Variants in OR2L13 observed in about 807,000 individuals in gnomAD.
The protein encoded by OR2L13 is olfactory receptor family 2 subfamily L member 13.
In OR2L13, 14 loss-of-function variants were observed where a neutral mutation model predicts 15.3. The observed-to-expected ratio is 0.91, with a 90% CI of 0.60 to 1.43. OR2L13 has a LOEUF of 1.43. OR2L13 is among the 40% of genes most tolerant of loss of function. The probability of loss-of-function intolerance (pLI) is 0.00; values close to 1 mark genes in which losing one functional copy is unlikely to be tolerated. For synonymous variants in OR2L13, 152 were observed against 142.9 expected (o/e 1.06, Z -0.45); for missense variants, 367 against 387.9 (o/e 0.95, Z 0.45).
At chr1:247,938,594 A>G in the OR2L13 span, among the ~76,000 whole-genome samples, 3 of 152,182 alleles carry the variant, frequency 2.0e-5, no homozygotes, top group Non-Finnish European at 4.4e-5. Flanking sequence ...ATATAGAAAC[A>G]TAGAAACGCC....
At chr1:247,965,824 G>A in the OR2L13 span, 1 of 1,612,662 alleles carries the variant, frequency 6.2e-7, no homozygotes, top group South Asian at 1.1e-5. Flanking sequence ...ATGTGCATGG[G>A]CCAGTGGTTC....
the OR2L13 span, among the ~76,000 whole-genome samples, chr1:247,968,091 A>G: frequency 2.6e-5 from 4 of 152,232 alleles, no homozygotes; most frequent in African/African-American, 9.6e-5. Context: ...TTTGTGTGTA[A>G]AAAGCATATA....
the OR2L13 span, among the ~76,000 whole-genome samples, chr1:247,995,987 T>C: frequency 1.3e-5 from 2 of 152,198 alleles, no homozygotes; most frequent in African/African-American, 4.8e-5. Flanking sequence ...CACCACTCGC[T>C]TCTCCACCAA....
the OR2L13 span, among the ~76,000 whole-genome samples, chr1:248,081,767 TGAATAA>T: frequency 6.6e-6 from 1 of 152,214 alleles, no homozygotes; most frequent in Non-Finnish European, 1.5e-5. Context: ...AAGTGTTTAC[TGAATAA>T]CCTTCTCTTG....
intron 2 of OR2L13, 69 bp from the exon 3 acceptor site, chr1:248,099,289 T>G: frequency 1.1e-6 from 1 of 892,458 alleles, no homozygotes; most frequent in Non-Finnish European, 1.8e-6. Flanking sequence ...GTCAGTTCCT[T>G]TTTGTTTTTC....
the OR2L13 span, among the ~76,000 whole-genome samples, chr1:247,970,725 G>A: frequency 6.6e-6 from 1 of 152,190 alleles, no homozygotes; most frequent in East Asian, 1.9e-4. Flanking sequence ...ATATACAAAG[G>A]GATGTAAAAC....
the OR2L13 span, among the ~76,000 whole-genome samples, chr1:247,964,620 CTATTT>C: frequency 1.3e-5 from 2 of 152,000 alleles, no homozygotes; most frequent in Admixed American, 6.6e-5. Context: ...ATTTAATACT[CTATTT>C]TATATTAACA....
chr1:247,995,751 C>T, the OR2L13 span, among the ~76,000 whole-genome samples: 1 of 152,064 alleles, frequency 6.6e-6, no homozygotes, highest in African/African-American at 2.4e-5. Context: ...TTTGAGACAT[C>T]ATGTCCTTCT....
the OR2L13 span, among the ~76,000 whole-genome samples, chr1:247,984,094 C>T: frequency 4.6e-5 from 7 of 152,236 alleles, no homozygotes; most frequent in East Asian, 3.9e-4. Context: ...TTCAAGGTTC[C>T]GTCTCTAGAA....
At chr1:247,991,731 C>T in the OR2L13 span, among the ~76,000 whole-genome samples, 9 of 149,618 alleles carry the variant, frequency 6.0e-5, no homozygotes, top group Admixed American at 2.0e-4. Context: ...CATAAATCAA[C>T]GGGTCTATTT....
chr1:248,044,064 T>C, the OR2L13 span, among the ~76,000 whole-genome samples: 1 of 152,144 alleles, frequency 6.6e-6, no homozygotes, highest in Non-Finnish European at 1.5e-5. Flanking sequence ...TACCAAACTT[T>C]CTAGAAATAT....
At chr1:247,987,244 T>G in the OR2L13 span, among the ~76,000 whole-genome samples, 1 of 152,330 alleles carries the variant, frequency 6.6e-6, no homozygotes, top group Non-Finnish European at 1.5e-5. Context: ...GCTTATTTTG[T>G]TAATTATTTG....
chr1:247,954,768 G>A, the OR2L13 span, among the ~76,000 whole-genome samples: 6 of 151,892 alleles, frequency 4.0e-5, no homozygotes, highest in Non-Finnish European at 7.4e-5. Flanking sequence ...GCATGCCAAC[G>A]TTTTCATCAT....
the OR2L13 span, chr1:248,042,302 C>T: frequency 7.4e-6 from 1 of 134,846 alleles, no homozygotes; most frequent in African/African-American, 2.9e-5. Flanking sequence ...GGGAATTGAA[C>T]AATGAGAACA....
the OR2L13 span, chr1:248,063,309 C>T: frequency 5.3e-5 from 8 of 152,342 alleles, no homozygotes; most frequent in South Asian, 4.1e-4. Flanking sequence ...CCATGACTAC[C>T]GTTAACGGTA....
chr1:247,973,388 C>T, the OR2L13 span, among the ~76,000 whole-genome samples: 1 of 152,168 alleles, frequency 6.6e-6, no homozygotes, highest in Non-Finnish European at 1.5e-5. Context: ...CCCATCATCT[C>T]CACCCAAAAA....
the OR2L13 span, among the ~76,000 whole-genome samples, chr1:247,967,248 A>T: frequency 6.6e-6 from 1 of 151,078 alleles, no homozygotes; most frequent in Non-Finnish European, 1.5e-5. Context: ...TGTTTTTTTG[A>T]GATAGAGTCT....
the OR2L13 span, among the ~76,000 whole-genome samples, chr1:247,993,226 A>G: frequency 6.6e-6 from 1 of 151,602 alleles, no homozygotes; most frequent in Non-Finnish European, 1.5e-5. Flanking sequence ...TAATGGGGTT[A>G]GTTTTTTGCT....
At chr1:248,084,964 C>T in the OR2L13 span, among the ~76,000 whole-genome samples, 1 of 152,194 alleles carries the variant, frequency 6.6e-6, no homozygotes, top group African/African-American at 2.4e-5. Context: ...TACTGCTATT[C>T]TCTTCCAGCA....
Sources: gnomAD v4.1 joint callset for allele counts (sites outside exome capture counted in the v4.1 genomes callset) on GRCh38, gnomAD v4.1.1 for gene constraint, MANE v1.5 for transcripts, NCBI Gene and HGNC (gene_info 2026-07-23, HGNC 2026-07-21) for gene names.